Variants in ASCC3 observed in about 807,000 individuals in gnomAD.
ASCC3 encodes activating signal cointegrator 1 complex subunit 3, also known as ASC-1 complex subunit P200.
ASCC3 carries 158 observed loss-of-function variants against 256.3 expected under a neutral mutation model. The observed-to-expected ratio is 0.62, with a 90% CI of 0.54 to 0.70. The LOEUF is 0.70. Ranked by LOEUF, ASCC3 falls within the 30% of genes least tolerant of loss-of-function variation. The probability of loss-of-function intolerance (pLI) is 0.00; values close to 1 mark genes in which losing one functional copy is unlikely to be tolerated. For missense variants in ASCC3, 2,259 were observed against 2,626.0 expected, an observed-to-expected ratio of 0.86 and a Z score of 3.05; for synonymous variants, 948 against 883.4, an observed-to-expected ratio of 1.07 and a Z score of -1.30.
intron 25 of ASCC3, among the ~76,000 whole-genome samples, chr6:100,636,589 G>A (rs1774855209): frequency 6.6e-6 from 1 of 152,138 alleles, no homozygotes; most frequent in Non-Finnish European, 1.5e-5. Flanking sequence ...TTAAGCTTAG[G>A]GAGGAAGGCA....
intron 36 of ASCC3, among the ~76,000 whole-genome samples, chr6:100,580,693 T>C (rs1346251076): frequency 6.6e-6 from 1 of 151,760 alleles, no homozygotes; most frequent in African/African-American, 2.4e-5. Flanking sequence ...TAACTCGTCA[T>C]CTAGCATTAG....
At chr6:100,666,216 G>A (rs970854499) in intron 14 of ASCC3, among the ~76,000 whole-genome samples, 1 of 152,080 alleles carries the variant, frequency 6.6e-6, no homozygotes, top group Non-Finnish European at 1.5e-5. Flanking sequence ...CTGTTAATCG[G>A]ACCTCTCACT....
chr6:100,718,084 A>G lies in ASCC3; in HGVS notation c.2070T>C (p.Cys690=). 4.3e-6 allele frequency: 7 copies of G among 1,613,244 alleles called. No individual in the cohort carries two copies. Among genetic ancestry groups the G allele is most frequent in the Non-Finnish European group, 5.9e-6 (7 of 1,179,512 alleles). The change falls in exon 12 of 42, where the codon TGT becomes TGC. Residue 690 remains cysteine, a synonymous_variant. Transcript: ENST00000369162. Reference sequence around the variant, plus strand: ...TAAAATGAGTATTTACCTTATTTGCACATTTAATCCCCAAAAATGTCTGTC... The same window carrying G: ...TAAAATGAGTATTTACCTTATTTGCGCATTTAATCCCCAAAAATGTCTGTC... ...PLGQTFLGIK[C]ANKMQQLNNM...
chr6:100,837,285 T>C (rs1345070169), intron 4 of ASCC3, among the ~76,000 whole-genome samples: 1 of 152,074 alleles, frequency 6.6e-6, no homozygotes, highest in Non-Finnish European at 1.5e-5. Context: ...ACACTGTCAG[T>C]AGAAATGTAA....
At chr6:100,720,520 A>G (rs962270703) in intron 11 of ASCC3, among the ~76,000 whole-genome samples, 6 of 151,846 alleles carry the variant, frequency 4.0e-5, no homozygotes, top group Admixed American at 6.6e-5. Context: ...CTCAAGTTAG[A>G]TTAGTTTCGT....
intron 4 of ASCC3, among the ~76,000 whole-genome samples, chr6:100,822,954 G>A (rs887204290): frequency 2.6e-5 from 4 of 152,136 alleles, no homozygotes; most frequent in Admixed American, 6.5e-5. Flanking sequence ...GAAACCACCA[G>A]TATATTTGGA....
intron 30 of ASCC3, among the ~76,000 whole-genome samples, chr6:100,624,619 C>A (rs1329058874): frequency 6.6e-6 from 1 of 151,886 alleles, no homozygotes; most frequent in Non-Finnish European, 1.5e-5. Context: ...ATTTGACCCA[C>A]TGATTTTCTT....
At chr6:100,695,181 C>T (rs879836939) in intron 13 of ASCC3, among the ~76,000 whole-genome samples, 1 of 152,104 alleles carries the variant, frequency 6.6e-6, no homozygotes, top group South Asian at 2.1e-4. Context: ...AATTGATATA[C>T]GCTCTTTGAA....
In ASCC3 at chr6:100,830,955, T is replaced by C. The variant is rs369665886; in HGVS notation, c.801+17193A>G. Among the ~76,000 whole-genome samples the C allele has an allele frequency of 7.9e-5, 12 of 152,334 alleles. No homozygotes were observed. In the East Asian group the frequency reaches 2.1e-3, roughly 27 times the overall value. ...ATCAAAATACTTATAAAGGCTACAG[T>C]TAAGTTATTCTTATTAAAACCAACA... On this transcript the variant is annotated intron_variant, in intron 4 of 41. Transcript: ENST00000369162.
chr6:100,709,560 G>A lies in ASCC3; in HGVS notation c.2151+5902C>T, dbSNP rs556534417. Among the ~76,000 whole-genome samples, 27 of 152,204 alleles carry A rather than the reference G, an allele frequency of 1.8e-4. 2 individuals carry two copies. In the South Asian group the frequency reaches 5.6e-3, roughly 32 times the overall value. ...TGTCAGAGGACTGGGAAGGTTAAAA[G>A]TCCAAAGAGACTTATATGGTATCTG... On this transcript the variant is annotated intron_variant, in intron 13 of 41. Transcript: ENST00000369162.
At chr6:100,665,477 C>A (rs1182409386) in intron 14 of ASCC3, among the ~76,000 whole-genome samples, 1 of 151,890 alleles carries the variant, frequency 6.6e-6, no homozygotes, top group East Asian at 1.9e-4. Context: ...GTAATCCTAG[C>A]ACTTTGGAAG....
intron 13 of ASCC3, among the ~76,000 whole-genome samples, chr6:100,687,103 T>C (rs1318124896): frequency 2.7e-5 from 4 of 146,248 alleles, no homozygotes; most frequent in Non-Finnish European, 6.1e-5. Context: ...GAGATGTCCA[T>C]AATATACTGC....
chr6:100,602,474 T>C (rs1772671075), intron 33 of ASCC3, among the ~76,000 whole-genome samples: 1 of 151,804 alleles, frequency 6.6e-6, no homozygotes, highest in South Asian at 2.1e-4. Context: ...AAAAAAAAGC[T>C]ACTGACTTTC....
intron 34 of ASCC3, among the ~76,000 whole-genome samples, chr6:100,594,423 A>C (rs1421837832): frequency 6.6e-6 from 1 of 152,166 alleles, no homozygotes; most frequent in African/African-American, 2.4e-5. Context: ...ATTTTATCAG[A>C]TCTAAAAATA....
At chr6:100,824,220 T>C (rs1228987466) in intron 4 of ASCC3, among the ~76,000 whole-genome samples, 2 of 152,204 alleles carry the variant, frequency 1.3e-5, no homozygotes, top group South Asian at 2.1e-4. Flanking sequence ...TATTGTGCTA[T>C]TTGAACCCTG....
intron 10 of ASCC3, among the ~76,000 whole-genome samples, chr6:100,729,614 A>G (rs1202293334): frequency 6.6e-6 from 1 of 152,208 alleles, no homozygotes; most frequent in East Asian, 1.9e-4. Context: ...TGTTTAACTC[A>G]TCTTGTTATA....
chr6:100,508,817 C>T lies in ASCC3; in HGVS notation c.*569G>A, dbSNP rs550571356. ...AGTATATTGTTTTCTTTGTTATCAT[C>T]ATTAGGCTCCATAATATAATTTTAC... On this transcript the variant is annotated 3_prime_UTR_variant, in exon 42 of 42. Coordinates refer to ENST00000369162, the MANE Select transcript of ASCC3 (RefSeq NM_006828.4). The T allele has an allele frequency of 1.6e-4, 25 of 154,122 alleles. No homozygotes were observed. Among genetic ancestry groups the T allele is most frequent in the African/African-American group, 6.0e-4 (25 of 41,576 alleles). The allele number at this position is 154,122 out of a possible 1,614,324, so 9.5% of individuals were successfully genotyped here. A position where few individuals can be genotyped will look rare whatever the true frequency, so the allele number is the denominator to read the frequency against.
At chr6:100,647,545 G>A (rs1384573769) in intron 20 of ASCC3, 94 bp from the exon 21 acceptor site, 2 of 1,082,546 alleles carry the variant, frequency 1.8e-6, no homozygotes. Context: ...GAAAAGAAGT[G>A]CAAGTCAAGC....
intron 10 of ASCC3, among the ~76,000 whole-genome samples, chr6:100,755,026 AGTCTCGG>A (rs1236868531): frequency 6.6e-6 from 1 of 151,958 alleles, no homozygotes; most frequent in African/African-American, 2.4e-5. Context: ...TAAATTACCC[AGTCTCGG>A]GTATTTCTTC....
Sources: allele counts gnomAD v4.1 joint callset (sites outside exome capture counted in the v4.1 genomes callset), GRCh38; gene constraint gnomAD v4.1.1; transcripts MANE v1.5; gene names NCBI Gene and HGNC (gene_info 2026-07-23, HGNC 2026-07-21).